The following ECPAS variants were observed in gnomAD, a reference collection of about 807,000 sequenced individuals.
ECPAS encodes the protein proteasome adapter and scaffold protein ECM29.
A neutral mutation model predicts 255.1 loss-of-function variants in ECPAS; 70 were observed. That is an observed-to-expected ratio of 0.27 (90% confidence interval 0.23 to 0.33). ECPAS has a LOEUF of 0.33. ECPAS is among the 10% of genes least tolerant of loss of function. ECPAS has a pLI of 1.00. For synonymous variants in ECPAS, 784 were observed against 775.0 expected (o/e 1.01, Z -0.19); for missense variants, 1,817 against 2,206.4 (o/e 0.82, Z 3.54).
At chr9:111,422,812 G>T (rs1475861701) in intron 13 of ECPAS, among the ~76,000 whole-genome samples, 1 of 152,132 alleles carries the variant, frequency 6.6e-6, no homozygotes, top group Non-Finnish European at 1.5e-5. Flanking sequence ...GGGCCACTCA[G>T]AATCATAAAC....
In ECPAS at chr9:111,384,577, T is replaced by C; in HGVS notation, c.3634-8A>G. ...CGCTTTTCGTACAGATTCCTAAAAA[T>C]GACAAAAGTGTGACATCATACAAGT... On this transcript the variant is annotated splice_polypyrimidine_tract_variant and splice_region_variant and intron_variant, in intron 33 of 49. Transcript: ENST00000684092. 2.5e-6 allele frequency: 4 copies of C among 1,613,542 alleles called. No individual in the cohort carries two copies. The highest frequency in any genetic ancestry group is 3.4e-6 in the Non-Finnish European group (4 of 1,179,538).
At chr9:111,394,758 G>A (rs1407101914) in intron 25 of ECPAS, among the ~76,000 whole-genome samples, 2 of 152,136 alleles carry the variant, frequency 1.3e-5, no homozygotes, top group African/African-American at 4.8e-5. Context: ...TACACTGCAG[G>A]ATGTCTAGCA....
chr9:111,463,173 G>A (rs898754667), intron 2 of ECPAS, among the ~76,000 whole-genome samples: 1 of 152,186 alleles, frequency 6.6e-6, no homozygotes, highest in Admixed American at 6.5e-5. Flanking sequence ...GGAGGGCTCT[G>A]CTCACTACAG....
chr9:111,409,863 A>G lies in ECPAS; in HGVS notation c.2550+178T>C, dbSNP rs2098191215. 2.0e-5 allele frequency among the ~76,000 whole-genome samples: 3 copies of G among 152,344 alleles called. No homozygotes were observed. In the South Asian group the frequency reaches 6.2e-4, roughly 32 times the overall value. ...CAAAAGATGTGCACACTAAGATTGT[A>G]CACAGATAACCTCTAGCTCAAAAGT... On this transcript the variant is annotated intron_variant, in intron 23 of 49. Transcript: ENST00000684092.
intron 39 of ECPAS, among the ~76,000 whole-genome samples, 180 bp downstream of exon 39, chr9:111,373,792 A>G (rs1046920124): frequency 7.9e-5 from 12 of 151,700 alleles, no homozygotes; most frequent in African/African-American, 2.9e-4. Context: ...AAAGCTGCTA[A>G]ACTTGATAAA....
intron 48 of ECPAS, among the ~76,000 whole-genome samples, chr9:111,364,611 G>C (rs977643846): frequency 5.3e-5 from 8 of 152,150 alleles, no homozygotes; most frequent in African/African-American, 1.9e-4. Context: ...GCTAAATATA[G>C]AGAAGAAATT....
intron 2 of ECPAS, among the ~76,000 whole-genome samples, chr9:111,451,777 G>A (rs1402288973): frequency 6.6e-6 from 1 of 152,024 alleles, no homozygotes; most frequent in African/African-American, 2.4e-5. Context: ...ACAAAACCAA[G>A]AACAAAAAGT....
chr9:111,362,410 C>T (rs1216221256), intron 49 of ECPAS, among the ~76,000 whole-genome samples: 1 of 151,982 alleles, frequency 6.6e-6, no homozygotes, highest in Non-Finnish European at 1.5e-5. Context: ...GTTTCCTCTC[C>T]TTCCCCCAGT....
chr9:111,430,580 C>T lies in ECPAS; in HGVS notation c.897G>A (p.Val299=). ...NPAIINKMYK[V]YLGDIPLKTK... is the part of the protein sequence containing the mutation. ...TCTTCAGTGGTATATCTCCAAGGTA[C>T]ACCTTGTACATCTTATTAATGATGG... Residue 299 remains valine (V), a synonymous_variant, in exon 9 of 50, where the codon GTG becomes GTA. Transcript: ENST00000684092. 6.2e-7 allele frequency: 1 copy of T among 1,600,560 alleles called. No homozygotes were observed. Among genetic ancestry groups the T allele is most frequent in the Non-Finnish European group, 8.5e-7 (1 of 1,172,014 alleles).
At chr9:111,456,677 TCTC>T (rs1564558205) in intron 2 of ECPAS, among the ~76,000 whole-genome samples, 1 of 152,168 alleles carries the variant, frequency 6.6e-6, no homozygotes, top group Non-Finnish European at 1.5e-5. Flanking sequence ...GTTCAACCTT[TCTC>T]CTCCTCCTTC....
intron 24 of ECPAS, among the ~76,000 whole-genome samples, chr9:111,399,086 T>A (rs1414073539): frequency 6.6e-6 from 1 of 152,282 alleles, no homozygotes; most frequent in Middle Eastern, 3.4e-3. Context: ...AGGGGATGGA[T>A]ACCCTATTCT....
At chr9:111,419,954 T>C (rs2098210793) in intron 16 of ECPAS, 63 bp downstream of exon 16, 3 of 1,200,572 alleles carry the variant, frequency 2.5e-6, no homozygotes, top group Non-Finnish European at 3.7e-6. Context: ...AATACAACTT[T>C]TAGTAATTTT....
At chr9:111,476,357 A>T (rs1362486867) in intron 1 of ECPAS, among the ~76,000 whole-genome samples, 1 of 152,346 alleles carries the variant, frequency 6.6e-6, no homozygotes, top group African/African-American at 2.4e-5. Flanking sequence ...GGCAGAAGAT[A>T]GTATTAGCAG....
intron 15 of ECPAS, among the ~76,000 whole-genome samples, chr9:111,421,032 TAGAG>T (rs1288287556): frequency 6.6e-6 from 1 of 152,222 alleles, no homozygotes; most frequent in Non-Finnish European, 1.5e-5. Context: ...TAAAGTTACC[TAGAG>T]AAAGTTTAAA....
chr9:111,463,192 T>C (rs1008379283), intron 2 of ECPAS, among the ~76,000 whole-genome samples: 14 of 152,232 alleles, frequency 9.2e-5, no homozygotes, highest in Admixed American at 7.9e-4. Context: ...AGTCGGCTGA[T>C]AGAGCCAACA....
At chr9:111,436,776 A>T (rs764456800) in intron 7 of ECPAS, among the ~76,000 whole-genome samples, 164 bp downstream of exon 7, 6 of 152,256 alleles carry the variant, frequency 3.9e-5, no homozygotes, top group Non-Finnish European at 8.8e-5. Flanking sequence ...CTAGGGCTTA[A>T]TAAATAACTA....
chr9:111,389,872 T>G (rs978614753), intron 30 of ECPAS, 112 bp downstream of exon 30: 1 of 1,130,842 alleles, frequency 8.8e-7, no homozygotes, highest in African/African-American at 1.6e-5. Context: ...AGCTTTCTCA[T>G]CAGGCACAGA....
At chr9:111,414,103 TAA>T (rs376955620) in intron 19 of ECPAS, 117 bp from the exon 20 acceptor site, 3,960 of 523,454 alleles carry the variant, frequency 7.6e-3, no homozygotes, top group South Asian at 0.015. Flanking sequence ...TCGGTTCTAT[TAA>T]AAAAAAAAAA....
chr9:111,436,631 C>T (rs2098238525), intron 7 of ECPAS, among the ~76,000 whole-genome samples: 3 of 151,406 alleles, frequency 2.0e-5, no homozygotes, highest in African/African-American at 7.3e-5. Flanking sequence ...ATTAAAATTA[C>T]AAAAGTTAAA....
Sources: gnomAD v4.1 joint callset for allele counts (sites outside exome capture counted in the v4.1 genomes callset) on GRCh38, gnomAD v4.1.1 for gene constraint, MANE v1.5 for transcripts, NCBI Gene and HGNC (gene_info 2026-07-23, HGNC 2026-07-21) for gene names.